The following CENPW variants were observed in gnomAD, a reference collection of about 807,000 sequenced individuals.
CENPW encodes centromere protein W.
In CENPW, 3 loss-of-function variants were observed where a neutral mutation model predicts 11.1. That is an observed-to-expected ratio of 0.27 (90% CI 0.12 to 0.70). The LOEUF is 0.70. CENPW is among the 30% of genes least tolerant of loss of function. The pLI is 0.77. For missense variants in CENPW, 100 were observed against 105.6 expected, an observed-to-expected ratio of 0.95 and a Z score of 0.23; for synonymous variants, 38 against 42.0, an observed-to-expected ratio of 0.91 and a Z score of 0.37.
At chr6:126,400,122 G>T in the CENPW span, among the ~76,000 whole-genome samples, 52 of 152,064 alleles carry the variant, frequency 3.4e-4, no homozygotes, top group East Asian at 7.3e-3. Flanking sequence ...AATATATTTA[G>T]GAAGGCAAAT....
the CENPW span, among the ~76,000 whole-genome samples, chr6:126,419,658 C>G: frequency 1.5e-5 from 2 of 133,874 alleles, no homozygotes; most frequent in African/African-American, 2.5e-5. Flanking sequence ...ATTGGTTTCA[C>G]TGGGCTGAAA....
the CENPW span, among the ~76,000 whole-genome samples, chr6:126,419,078 A>G: frequency 6.6e-6 from 1 of 152,062 alleles, no homozygotes; most frequent in Non-Finnish European, 1.5e-5. Context: ...CTTAAAAAGT[A>G]TAATAAAATA....
At chr6:126,354,498 T>C in the CENPW span, among the ~76,000 whole-genome samples, 1 of 152,146 alleles carries the variant, frequency 6.6e-6, no homozygotes, top group Non-Finnish European at 1.5e-5. Context: ...ACCAACATAA[T>C]ATCTACGTAC....
the CENPW span, among the ~76,000 whole-genome samples, chr6:126,399,538 A>G: frequency 1.3e-5 from 2 of 151,878 alleles, no homozygotes; most frequent in Non-Finnish European, 2.9e-5. Context: ...TACCTTAAAT[A>G]TACACAATTT....
chr6:126,439,443 G>A, the CENPW span, among the ~76,000 whole-genome samples: 1 of 151,602 alleles, frequency 6.6e-6, no homozygotes, highest in Non-Finnish European at 1.5e-5. Flanking sequence ...CAAGAAGGAA[G>A]CCTGAAAACT....
the CENPW span, among the ~76,000 whole-genome samples, chr6:126,412,008 T>TCCCACC: frequency 1.9e-4 from 1 of 5,308 alleles, no homozygotes; most frequent in Non-Finnish European, 3.5e-4. Flanking sequence ...CCTTCCTCTC[T>TCCCACC]CCCTCCCACT....
chr6:126,355,598 T>G, the CENPW span, among the ~76,000 whole-genome samples: 1 of 152,286 alleles, frequency 6.6e-6, no homozygotes, highest in African/African-American at 2.4e-5. Context: ...TATTTTAAGT[T>G]TGTCCATTAA....
At chr6:126,455,161 T>C in the CENPW span, among the ~76,000 whole-genome samples, 1 of 151,422 alleles carries the variant, frequency 6.6e-6, no homozygotes, top group Non-Finnish European at 1.5e-5. Context: ...GCTGGTACCA[T>C]TCCTATTGAA....
At chr6:126,404,208 G>C in the CENPW span, among the ~76,000 whole-genome samples, 1 of 152,190 alleles carries the variant, frequency 6.6e-6, no homozygotes, top group East Asian at 1.9e-4. Context: ...AGCTCTGATA[G>C]AGATATAAAA....
downstream of CENPW, among the ~76,000 whole-genome samples, chr6:126,351,627 T>C (rs1178965465): frequency 6.6e-6 from 1 of 152,126 alleles, no homozygotes; most frequent in Non-Finnish European, 1.5e-5. Flanking sequence ...GTAATTTAAC[T>C]GGAGCCTTAG....
chr6:126,372,077 A>G, the CENPW span, among the ~76,000 whole-genome samples: 3 of 151,416 alleles, frequency 2.0e-5, no homozygotes, highest in Admixed American at 1.3e-4. Flanking sequence ...TTTTGTTTCA[A>G]TTTCATTTAG....
the CENPW span, among the ~76,000 whole-genome samples, chr6:126,473,754 T>C: frequency 6.6e-6 from 1 of 150,790 alleles, no homozygotes; most frequent in African/African-American, 2.4e-5. Context: ...CTCTCTAGCA[T>C]ATATATATAG....
At chr6:126,368,291 A>G in the CENPW span, among the ~76,000 whole-genome samples, 1 of 152,198 alleles carries the variant, frequency 6.6e-6, no homozygotes, top group Non-Finnish European at 1.5e-5. Flanking sequence ...ATAGACCACC[A>G]TTAGCTGCAT....
At chr6:126,458,298 T>A in the CENPW span, among the ~76,000 whole-genome samples, 3 of 151,334 alleles carry the variant, frequency 2.0e-5, no homozygotes, top group Non-Finnish European at 4.4e-5. Flanking sequence ...AAAGGGGATC[T>A]TACTGCTTTT....
the CENPW span, among the ~76,000 whole-genome samples, chr6:126,465,782 C>A: frequency 6.6e-6 from 1 of 151,998 alleles, no homozygotes; most frequent in African/African-American, 2.4e-5. Context: ...GATTTTCCAA[C>A]AGATAATGCT....
At chr6:126,393,615 T>C in the CENPW span, among the ~76,000 whole-genome samples, 1 of 151,608 alleles carries the variant, frequency 6.6e-6, no homozygotes, top group Non-Finnish European at 1.5e-5. Flanking sequence ...TAATTTGTAG[T>C]TTTATTCCAT....
the CENPW span, among the ~76,000 whole-genome samples, chr6:126,431,795 G>A: frequency 2.6e-5 from 4 of 151,928 alleles, no homozygotes; most frequent in Non-Finnish European, 5.9e-5. Context: ...GGCCAGGCGC[G>A]GTGGCTCACG....
chr6:126,469,553 T>G, the CENPW span, among the ~76,000 whole-genome samples: 1 of 152,092 alleles, frequency 6.6e-6, no homozygotes, highest in African/African-American at 2.4e-5. Context: ...GGAAACAACT[T>G]TGGAACTAGG....
the CENPW span, among the ~76,000 whole-genome samples, chr6:126,423,879 T>C: frequency 6.6e-6 from 1 of 151,958 alleles, no homozygotes; most frequent in African/African-American, 2.4e-5. Context: ...TTAGGGTACA[T>C]GTGCACAATG....
Sources: gnomAD v4.1 joint callset for allele counts (sites outside exome capture counted in the v4.1 genomes callset) on GRCh38, gnomAD v4.1.1 for gene constraint, MANE v1.5 for transcripts, NCBI Gene and HGNC (gene_info 2026-07-23, HGNC 2026-07-21) for gene names.